SH3RF1: variants seen among roughly 807,000 people sequenced by gnomAD.
SH3RF1 encodes SH3 domain containing ring finger 1.
A neutral mutation model predicts 74.0 loss-of-function variants in SH3RF1; 32 were observed. The ratio of observed to expected loss-of-function variants is 0.43; its 90% CI spans 0.33 to 0.58. SH3RF1 has a LOEUF of 0.58. Among genes scored for constraint, SH3RF1 ranks in the 20% least tolerant of loss-of-function variants. The pLI is 0.05. For synonymous variants in SH3RF1, 396 were observed against 439.6 expected (o/e 0.90, Z 1.24); for missense variants, 954 against 1,130.9 (o/e 0.84, Z 2.24).
chr4:169,247,344 T>C (rs1731018583), intron 2 of SH3RF1, among the ~76,000 whole-genome samples: 1 of 152,132 alleles, frequency 6.6e-6, no homozygotes, highest in Admixed American at 6.5e-5. Context: ...AGAGAGTGAA[T>C]GGTGGACGGC....
At chr4:169,263,096 C>G (rs916717569) in intron 2 of SH3RF1, among the ~76,000 whole-genome samples, 1 of 152,122 alleles carries the variant, frequency 6.6e-6, no homozygotes. Flanking sequence ...TTGCTTGGGT[C>G]CGGTATGAGT....
chr4:169,146,611 C>G (rs1054239231), intron 4 of SH3RF1, among the ~76,000 whole-genome samples: 12 of 152,154 alleles, frequency 7.9e-5, no homozygotes, highest in Non-Finnish European at 1.6e-4. Context: ...AAAGTCAGTT[C>G]GTAGCAAACA....
At chr4:169,251,712 C>G (rs868169762) in intron 2 of SH3RF1, among the ~76,000 whole-genome samples, 1 of 152,206 alleles carries the variant, frequency 6.6e-6, no homozygotes, top group Non-Finnish European at 1.5e-5. Flanking sequence ...AGAGTGACCT[C>G]ACCTATAAGG....
intron 2 of SH3RF1, among the ~76,000 whole-genome samples, chr4:169,223,981 A>G (rs1730612559): frequency 1.3e-5 from 2 of 152,258 alleles, no homozygotes; most frequent in South Asian, 4.1e-4. Context: ...TGCTGGAAAG[A>G]TAAGTACAGG....
At chr4:169,200,742 C>T (rs934864660) in intron 2 of SH3RF1, among the ~76,000 whole-genome samples, 2 of 152,170 alleles carry the variant, frequency 1.3e-5, no homozygotes, top group Non-Finnish European at 1.5e-5. Context: ...CGGCTATTCA[C>T]TCTTCTCTTC....
intron 2 of SH3RF1, among the ~76,000 whole-genome samples, chr4:169,251,324 G>T (rs1016134713): frequency 2.6e-5 from 4 of 152,136 alleles, no homozygotes; most frequent in Non-Finnish European, 5.9e-5. Flanking sequence ...ATGTATACAC[G>T]CTGTAACACA....
At position 169,120,968 on chromosome 4, in the gene SH3RF1, G is replaced by A. The variant is rs1240521733; in HGVS notation, c.1368C>T (p.Tyr456=). 1 of 1,613,788 alleles carries A rather than the reference G, an allele frequency of 6.2e-7. No individual in the cohort carries two copies. The highest frequency in any genetic ancestry group is 8.5e-7 in the Non-Finnish European group (1 of 1,179,688). The change falls in exon 8 of 12, where the codon TAC becomes TAT. Residue 456 remains tyrosine, a synonymous_variant. Transcript: ENST00000284637. ...RPSVYVAIYP[Y]TPRKEDELEL... Reference sequence around the variant, plus strand: ...CTAGTTCATCCTCTTTCCGAGGAGTGTATGGATATATAGCAACATACCTAG... The same window carrying A: ...CTAGTTCATCCTCTTTCCGAGGAGTATATGGATATATAGCAACATACCTAG...
chr4:169,255,881 C>G (rs539482929), intron 2 of SH3RF1, among the ~76,000 whole-genome samples: 3 of 152,104 alleles, frequency 2.0e-5, no homozygotes, highest in Non-Finnish European at 2.9e-5. Flanking sequence ...GTTCCTCCCC[C>G]CTCAGCTTCT....
rs369740271 is a variant in SH3RF1, at chr4:169,095,389, T to A, written c.*1130A>T. 14 of 152,664 alleles carry A rather than the reference T, an allele frequency of 9.2e-5. No individual in the cohort carries two copies. Among genetic ancestry groups the A allele is most frequent in the African/African-American group, 3.4e-4 (14 of 41,540 alleles). 9.5% of individuals were successfully genotyped at this position (152,664 alleles called of 1,614,324 possible). On this transcript the variant is annotated 3_prime_UTR_variant, in exon 12 of 12. Coordinates refer to ENST00000284637, the MANE Select transcript of SH3RF1 (RefSeq NM_020870.4). Reference sequence around the variant, plus strand: ...ACCTCCTGAATTGGTCAATTCTGAGTACAAACTCATCTTAACAGGAAATCG... The same window carrying A: ...ACCTCCTGAATTGGTCAATTCTGAGAACAAACTCATCTTAACAGGAAATCG...
intron 2 of SH3RF1, among the ~76,000 whole-genome samples, chr4:169,162,070 C>T (rs1200874878): frequency 1.3e-5 from 2 of 151,796 alleles, no homozygotes; most frequent in African/African-American, 2.4e-5. Flanking sequence ...CAACTACTTG[C>T]GAGGCTGAGG....
intron 2 of SH3RF1, among the ~76,000 whole-genome samples, chr4:169,164,426 A>G (rs1456599061): frequency 6.6e-6 from 1 of 152,218 alleles, no homozygotes; most frequent in East Asian, 1.9e-4. Context: ...ATACAAACAC[A>G]TATTTATGTG....
At chr4:169,178,523 C>T (rs545648617) in intron 2 of SH3RF1, among the ~76,000 whole-genome samples, 268 of 152,130 alleles carry the variant, frequency 1.8e-3, no homozygotes, top group Admixed American at 3.0e-3. Flanking sequence ...TGGGCCCAGA[C>T]CTGGGTGGAC....
intron 2 of SH3RF1, among the ~76,000 whole-genome samples, chr4:169,252,964 T>G (rs1410448467): frequency 6.6e-6 from 1 of 152,010 alleles, no homozygotes; most frequent in Non-Finnish European, 1.5e-5. Flanking sequence ...CCTGATACCA[T>G]GAAACTGGAT....
chr4:169,151,521 T>C (rs1265054024), intron 4 of SH3RF1, among the ~76,000 whole-genome samples: 1 of 152,114 alleles, frequency 6.6e-6, no homozygotes, highest in East Asian at 1.9e-4. Flanking sequence ...ATGGCACCAG[T>C]ATGTGTTTGG....
At chr4:169,196,945 T>A (rs1332508059) in intron 2 of SH3RF1, among the ~76,000 whole-genome samples, 1 of 152,166 alleles carries the variant, frequency 6.6e-6, no homozygotes, top group Non-Finnish European at 1.5e-5. Flanking sequence ...TAAAAAATAA[T>A]GAATAAAAAA....
intron 2 of SH3RF1, among the ~76,000 whole-genome samples, chr4:169,213,329 T>C (rs911158368): frequency 6.6e-6 from 1 of 152,240 alleles, no homozygotes; most frequent in African/African-American, 2.4e-5. Context: ...TTTGGTGAAG[T>C]GTCTGTTCAG....
intron 4 of SH3RF1, among the ~76,000 whole-genome samples, chr4:169,154,703 T>C (rs1447569807): frequency 1.3e-5 from 2 of 152,222 alleles, no homozygotes; most frequent in South Asian, 2.1e-4. Flanking sequence ...AAGCCTTCCA[T>C]GGCCTCAACT....
chr4:169,094,935 G>C lies in SH3RF1; in HGVS notation c.*1584C>G, dbSNP rs1732888430. ...TAAAGGAAAAAAAAAAAGATGAAAG[G>C]GTTTATTATGTATTTCCCATGAGAA... On this transcript the variant is annotated 3_prime_UTR_variant, in exon 12 of 12. Transcript: ENST00000284637. 1 of 152,030 alleles carries C rather than the reference G, an allele frequency of 6.6e-6. No homozygotes were observed. Among genetic ancestry groups the C allele is most frequent in the Admixed American group, 6.6e-5 (1 of 15,228 alleles). The allele number at this position is 152,030 out of a possible 1,614,324, so 9.4% of individuals were successfully genotyped here. A position where few individuals can be genotyped will look rare whatever the true frequency, so the allele number is the denominator to read the frequency against.
intron 4 of SH3RF1, among the ~76,000 whole-genome samples, chr4:169,148,529 T>G (rs1017235003): frequency 6.6e-6 from 1 of 152,196 alleles, no homozygotes; most frequent in African/African-American, 2.4e-5. Flanking sequence ...TCATTTCCTT[T>G]CCAAACGTTC....
Sources: allele counts gnomAD v4.1 joint callset (sites outside exome capture counted in the v4.1 genomes callset), GRCh38; gene constraint gnomAD v4.1.1; transcripts MANE v1.5; gene names NCBI Gene and HGNC (gene_info 2026-07-23, HGNC 2026-07-21).